WWOX: variants seen among roughly 807,000 people sequenced by gnomAD.
WWOX encodes WW domain-containing oxidoreductase.
In WWOX, 69 loss-of-function variants were observed where a neutral mutation model predicts 46.2. The ratio of observed to expected loss-of-function variants is 1.49; its 90% CI spans 1.23 to 1.82. The LOEUF (loss-of-function observed/expected upper bound fraction) is 1.82, where lower values mean the gene tolerates loss of function less well. Ranked by LOEUF, WWOX falls within the 40% of genes most tolerant of loss-of-function variation. The pLI, the probability that WWOX is intolerant of heterozygous loss-of-function variation, is 0.00. For synonymous variants in WWOX, 359 were observed against 202.6 expected (o/e 1.77, Z -6.56); for missense variants, 919 against 542.6 (o/e 1.69, Z -6.89).
intron 8 of WWOX, among the ~76,000 whole-genome samples, chr16:78,790,882 T>A (rs544087728): frequency 3.0e-4 from 46 of 151,204 alleles, no homozygotes; most frequent in Non-Finnish European, 5.0e-4. Context: ...AGCCGGGCGT[T>A]TTGGTGCTTG....
intron 8 of WWOX, among the ~76,000 whole-genome samples, chr16:78,630,761 G>C (rs1425551328): frequency 6.6e-6 from 1 of 152,038 alleles, no homozygotes; most frequent in Non-Finnish European, 1.5e-5. Context: ...ACCAAACCTG[G>C]GTTGGCGTTT....
intron 8 of WWOX, among the ~76,000 whole-genome samples, chr16:78,915,884 TAGA>T (rs369683319): frequency 6.6e-6 from 1 of 152,098 alleles, no homozygotes; most frequent in African/African-American, 2.4e-5. Flanking sequence ...AGAAGAAAAA[TAGA>T]AGAAGCCTGA....
chr16:78,577,724 C>T (rs1488090517), intron 8 of WWOX, among the ~76,000 whole-genome samples: 2 of 152,200 alleles, frequency 1.3e-5, no homozygotes, highest in Non-Finnish European at 2.9e-5. Flanking sequence ...TGTGTTGACA[C>T]TCTATTTGAC....
intron 8 of WWOX, among the ~76,000 whole-genome samples, chr16:78,726,253 C>A (rs988853979): frequency 6.7e-6 from 1 of 149,898 alleles, no homozygotes; most frequent in African/African-American, 2.5e-5. Flanking sequence ...TGGAAACAGT[C>A]TTGCTCTGTC....
At position 78,406,584 on chromosome 16, in the gene WWOX, C is replaced by T. The variant is rs147325149; in HGVS notation, c.606-18286C>T. Among the ~76,000 whole-genome samples the T allele has an allele frequency of 6.8e-3, 1,012 of 149,720 alleles. 14 individuals carry two copies. Among genetic ancestry groups the T allele is most frequent in the African/African-American group, 0.024 (972 of 40,794 alleles). On this transcript the variant is annotated intron_variant, in intron 6 of 8. Coordinates refer to ENST00000566780, the MANE Select transcript of WWOX (RefSeq NM_016373.4). ...GAGGATGGTCTCAGTCTCCTGACCT[C>T]GTGATCCGCCTGCCTTGGCCTTCCA...
chr16:78,448,478 C>G lies in WWOX; in HGVS notation c.1056+15726C>G, dbSNP rs1044537413. 3.9e-5 allele frequency among the ~76,000 whole-genome samples: 6 copies of G among 152,052 alleles called. No individual in the cohort carries two copies. The East Asian group carries it at 1.2e-3, about 29-fold the overall frequency. On this transcript the variant is annotated intron_variant, in intron 8 of 8. Coordinates refer to ENST00000566780, the MANE Select transcript of WWOX (RefSeq NM_016373.4). The stretch of plus-strand genomic sequence containing the variant: ...TTCAAGGTGTCCACTGGGCTGGGGT[C>G]AACTTCTTACCGACAAAGCTGGTGC...
At chr16:78,526,203 G>C (rs1044896692) in intron 8 of WWOX, 7 of 152,204 alleles carry the variant, frequency 4.6e-5, no homozygotes, top group Admixed American at 6.5e-5. Context: ...GGGAGTAGCG[G>C]GGCAGAAGCC....
intron 8 of WWOX, among the ~76,000 whole-genome samples, chr16:78,646,547 C>A (rs1248685882): frequency 6.6e-6 from 1 of 152,102 alleles, no homozygotes; most frequent in Non-Finnish European, 1.5e-5. Context: ...CTGGCCTCAG[C>A]CTCTCTGGTA....
intron 8 of WWOX, among the ~76,000 whole-genome samples, chr16:79,087,997 T>C (rs1166935089): frequency 6.6e-6 from 1 of 152,184 alleles, no homozygotes; most frequent in African/African-American, 2.4e-5. Context: ...TCTTCCATTC[T>C]AGCTTCTTCT....
chr16:78,887,086 G>A (rs1300984704), intron 8 of WWOX, among the ~76,000 whole-genome samples: 37 of 13,058 alleles, frequency 2.8e-3, no homozygotes, highest in Non-Finnish European at 0.027. Flanking sequence ...TGGTGTGTGT[G>A]TGTGTGTGTG....
At chr16:78,968,176 T>TGCGTGGCACAGCGCGTGGTCC (rs2046401147) in intron 8 of WWOX, among the ~76,000 whole-genome samples, 3 of 148,014 alleles carry the variant, frequency 2.0e-5, no homozygotes, top group African/African-American at 7.8e-5. Flanking sequence ...GCGCGTGGTC[T>TGCGTGGCACAGCGCGTGGTCC]GCGTGGCACA....
At chr16:78,818,983 A>T (rs1360693112) in intron 8 of WWOX, among the ~76,000 whole-genome samples, 1 of 152,190 alleles carries the variant, frequency 6.6e-6, no homozygotes. Context: ...TAATCTCTCT[A>T]ATCCTCATTG....
At position 78,987,677 on chromosome 16, in the gene WWOX, C is replaced by T. The variant is rs185424256; in HGVS notation, c.1057-223931C>T. On this transcript the variant is annotated intron_variant, in intron 8 of 8. Transcript: ENST00000566780. ...TATGTCTTTGTTTCTGTACAGGGCCCTCCATGTTCAGAGGCAGAGTAACGT... is the reference window on the plus strand; with the variant it reads ...TATGTCTTTGTTTCTGTACAGGGCCTTCCATGTTCAGAGGCAGAGTAACGT... Among the ~76,000 whole-genome samples the T allele has an allele frequency of 2.5e-3, 384 of 152,280 alleles. 3 individuals are homozygous for T. The highest frequency in any genetic ancestry group is 0.01 in the Middle Eastern group (3 of 292).
chr16:78,199,780 G>A (rs752274251), intron 5 of WWOX, among the ~76,000 whole-genome samples: 24 of 142,132 alleles, frequency 1.7e-4, no homozygotes, highest in Admixed American at 1.3e-3. Flanking sequence ...CTGAGTTCCA[G>A]ACTCCAAGAT....
At chr16:78,496,187 C>G (rs1219898290) in intron 8 of WWOX, 1 of 152,186 alleles carries the variant, frequency 6.6e-6, no homozygotes, top group East Asian at 1.9e-4. Context: ...TCCCACCTCC[C>G]CATCACTCCT....
intron 8 of WWOX, chr16:78,896,824 T>C (rs1296143622): frequency 6.6e-6 from 1 of 152,106 alleles, no homozygotes; most frequent in Non-Finnish European, 1.5e-5. Context: ...AGACATAATT[T>C]ACATAATTTA....
At chr16:79,047,941 A>G (rs1446985506) in intron 8 of WWOX, among the ~76,000 whole-genome samples, 3 of 151,834 alleles carry the variant, frequency 2.0e-5, no homozygotes, top group Non-Finnish European at 4.4e-5. Context: ...CTAGCACAAA[A>G]TCTCCTGTCT....
intron 5 of WWOX, among the ~76,000 whole-genome samples, chr16:78,190,201 C>A (rs1048811946): frequency 3.3e-5 from 5 of 152,116 alleles, no homozygotes; most frequent in Non-Finnish European, 7.4e-5. Flanking sequence ...CAGTCCCTAG[C>A]CTGTGGAGAA....
rs141344345 is a variant in WWOX at position 79,072,696 on chromosome 16, C to T, written c.1057-138912C>T. Among the ~76,000 whole-genome samples the T allele has an allele frequency of 8.9e-4, 135 of 152,342 alleles. No homozygotes were observed. The Middle Eastern group carries it at 0.02, about 23-fold the overall frequency. ...TCATCATCACCATCACCATCACCAT[C>T]GTCATCATCAGGGCCACAACAGCCT... On this transcript the variant is annotated intron_variant, in intron 8 of 8. Coordinates refer to ENST00000566780, the MANE Select transcript of WWOX (RefSeq NM_016373.4).
Sources: allele counts gnomAD v4.1 joint callset (sites outside exome capture counted in the v4.1 genomes callset), GRCh38; gene constraint gnomAD v4.1.1; transcripts MANE v1.5; gene names NCBI Gene and HGNC (gene_info 2026-07-23, HGNC 2026-07-21).